MARCHF1: variants seen among roughly 807,000 people sequenced by gnomAD.
The protein encoded by MARCHF1 is membrane associated ring-CH-type finger 1.
MARCHF1 carries 40 observed loss-of-function variants against 54.2 expected under a neutral mutation model. The observed-to-expected ratio is 0.74, with a 90% CI of 0.57 to 0.96. The LOEUF (loss-of-function observed/expected upper bound fraction) is 0.96. MARCHF1 is among the 40% of genes least tolerant of loss of function. The pLI, the probability that MARCHF1 is intolerant of heterozygous loss-of-function variation, is 0.00. For synonymous variants in MARCHF1, 236 were observed against 236.3 expected, an observed-to-expected ratio of 1.00 and a Z score of 0.01; for missense variants, 586 against 656.5, an observed-to-expected ratio of 0.89 and a Z score of 1.17.
intron 2 of MARCHF1, among the ~76,000 whole-genome samples, chr4:164,042,350 T>G (rs1316475067): frequency 2.0e-5 from 3 of 152,142 alleles, no homozygotes; most frequent in Non-Finnish European, 4.4e-5. Context: ...GAAGCATAAT[T>G]AGGAGGCCTC....
chr4:163,789,415 T>C (rs1328686244), intron 4 of MARCHF1, among the ~76,000 whole-genome samples: 3 of 151,942 alleles, frequency 2.0e-5, no homozygotes, highest in Non-Finnish European at 2.9e-5. Flanking sequence ...GCTTAATACC[T>C]TGGGATGAAA....
intron 1 of MARCHF1, among the ~76,000 whole-genome samples, chr4:164,142,100 T>C (rs548675388): frequency 2.5e-4 from 38 of 152,308 alleles, no homozygotes; most frequent in African/African-American, 8.4e-4. Flanking sequence ...ACCCGAATAC[T>C]GTGCTTTTCC....
At chr4:164,229,798 TAC>T (rs1732365011) in intron 1 of MARCHF1, among the ~76,000 whole-genome samples, 1 of 152,054 alleles carries the variant, frequency 6.6e-6, no homozygotes, top group Non-Finnish European at 1.5e-5. Flanking sequence ...GGGTAGGTGC[TAC>T]ACACTTTCAA....
chr4:163,584,845 A>T (rs1412234903), intron 8 of MARCHF1: 2 of 152,216 alleles, frequency 1.3e-5, no homozygotes, highest in African/African-American at 4.8e-5. Context: ...CAATTTAAAT[A>T]AAAAAAGCAA....
chr4:163,982,748 T>C (rs1052701010), intron 3 of MARCHF1, among the ~76,000 whole-genome samples: 4 of 152,180 alleles, frequency 2.6e-5, no homozygotes, highest in African/African-American at 9.7e-5. Context: ...ATTGGGAGCA[T>C]CTGTGGTCCC....
intron 4 of MARCHF1, among the ~76,000 whole-genome samples, chr4:163,813,556 G>T (rs1442824261): frequency 2.0e-5 from 3 of 151,968 alleles, no homozygotes; most frequent in Non-Finnish European, 2.9e-5. Flanking sequence ...GGAAATTAAA[G>T]AACAAAAACT....
At chr4:164,076,067 G>T (rs991971065) in intron 2 of MARCHF1, among the ~76,000 whole-genome samples, 1 of 151,842 alleles carries the variant, frequency 6.6e-6, no homozygotes. Flanking sequence ...AGAAGTGCTT[G>T]GTCAAATTTC....
At chr4:164,100,493 A>T (rs1390631642) in intron 2 of MARCHF1, among the ~76,000 whole-genome samples, 1 of 152,230 alleles carries the variant, frequency 6.6e-6, no homozygotes, top group Non-Finnish European at 1.5e-5. Context: ...GATAAGTAGA[A>T]TTGCCAGCAA....
intron 3 of MARCHF1, among the ~76,000 whole-genome samples, chr4:163,938,634 T>C (rs1163558577): frequency 6.6e-6 from 1 of 152,154 alleles, no homozygotes; most frequent in Admixed American, 6.6e-5. Context: ...CCTGTACTAG[T>C]CGGGTTTCAT....
chr4:164,044,430 AC>A lies in MARCHF1; in HGVS notation c.-247-55722del, dbSNP rs748433916. Among the ~76,000 whole-genome samples the A allele has an allele frequency of 1.3e-3, 202 of 152,166 alleles. 3 individuals are homozygous for A. Among genetic ancestry groups the A allele is most frequent in the Non-Finnish European group, 1.1e-3 (73 of 68,006 alleles). ...GGGAAGTGCCACAAACTTTTAAACAACCATATCTTGTGAGAACTCACCCACT... is the reference window on the plus strand; with the variant it reads ...GGGAAGTGCCACAAACTTTTAAACAACATATCTTGTGAGAACTCACCCACT... On this transcript the variant is annotated intron_variant, in intron 2 of 9. Coordinates refer to ENST00000514618, the MANE Select transcript of MARCHF1 (RefSeq NM_001394959.1).
chr4:164,052,871 G>A (rs7660522), intron 2 of MARCHF1, among the ~76,000 whole-genome samples: 2,694 of 152,128 alleles, frequency 0.018, 79 homozygotes, highest in African/African-American at 0.061. Flanking sequence ...TTTATACCTC[G>A]ATTATCTTAG....
At chr4:164,206,258 G>A (rs376620370) in intron 1 of MARCHF1, among the ~76,000 whole-genome samples, 15 of 152,106 alleles carry the variant, frequency 9.9e-5, no homozygotes, top group African/African-American at 2.2e-4. Context: ...CCAACATGGC[G>A]AAATCCCGTC....
intron 1 of MARCHF1, among the ~76,000 whole-genome samples, chr4:164,255,146 A>G (rs1180004255): frequency 6.6e-6 from 1 of 152,168 alleles, no homozygotes; most frequent in African/African-American, 2.4e-5. Flanking sequence ...TACCAATTTG[A>G]GGGTTTTTGA....
intron 2 of MARCHF1, among the ~76,000 whole-genome samples, chr4:164,070,192 C>A (rs1488059861): frequency 1.3e-5 from 2 of 152,064 alleles, no homozygotes; most frequent in Non-Finnish European, 2.9e-5. Flanking sequence ...GTGCAATATA[C>A]CCATGCAGTG....
intron 3 of MARCHF1, among the ~76,000 whole-genome samples, chr4:163,984,262 G>C (rs933361219): frequency 1.3e-5 from 2 of 152,106 alleles, no homozygotes; most frequent in African/African-American, 4.8e-5. Flanking sequence ...AACTGAGGTA[G>C]AGAAATATTA....
chr4:163,857,873 T>C (rs1749810930), intron 3 of MARCHF1, among the ~76,000 whole-genome samples: 1 of 151,386 alleles, frequency 6.6e-6, no homozygotes, highest in African/African-American at 2.5e-5. Flanking sequence ...AACAGAGAAG[T>C]AACCCAGTTT....
chr4:164,230,474 T>A (rs34412594), intron 1 of MARCHF1, among the ~76,000 whole-genome samples: 73,379 of 151,594 alleles, frequency 0.48, 19,904 homozygotes, highest in Non-Finnish European at 0.63. Context: ...ATATAATATG[T>A]GATGATCAAA....
intron 1 of MARCHF1, among the ~76,000 whole-genome samples, chr4:164,346,226 G>A (rs1730091868): frequency 6.6e-6 from 1 of 152,072 alleles, no homozygotes; most frequent in Non-Finnish European, 1.5e-5. Flanking sequence ...TATAGAAAAT[G>A]AGTCTCTTAG....
chr4:163,607,396 A>G lies in MARCHF1; in HGVS notation c.1010+4875T>C, dbSNP rs574895237. The stretch of plus-strand genomic sequence containing the variant: ...CTTTGTTGGAGACTGGACACATCCA[A>G]TATGGAAGGAATAAGATCAAAAATG... On this transcript the variant is annotated intron_variant, in intron 7 of 9. Coordinates refer to ENST00000514618, the MANE Select transcript of MARCHF1 (RefSeq NM_001394959.1). Among the ~76,000 whole-genome samples, 15 of 152,200 alleles carry G rather than the reference A, an allele frequency of 9.9e-5. No individual in the cohort carries two copies. In the South Asian group the frequency reaches 2.3e-3, roughly 23 times the overall value.
Sources: gnomAD v4.1 joint callset for allele counts (sites outside exome capture counted in the v4.1 genomes callset) on GRCh38, gnomAD v4.1.1 for gene constraint, MANE v1.5 for transcripts, NCBI Gene and HGNC (gene_info 2026-07-23, HGNC 2026-07-21) for gene names.